SAMD3: variants seen among roughly 807,000 people sequenced by gnomAD.
SAMD3 encodes sterile alpha motif domain-containing protein 3.
A neutral mutation model predicts 58.5 loss-of-function variants in SAMD3; 63 were observed. That is an observed-to-expected ratio of 1.08 (90% CI 0.88 to 1.33). SAMD3 has a LOEUF of 1.33. Among genes scored for constraint, SAMD3 ranks in the 40% most tolerant of loss-of-function variants. The pLI is 0.00. For missense variants in SAMD3, 604 were observed against 608.4 expected (o/e 0.99, Z 0.08); for synonymous variants, 220 against 210.3 (o/e 1.05, Z -0.40).
intron 1 of SAMD3, among the ~76,000 whole-genome samples, chr6:130,349,628 T>C (rs531117416): frequency 5.3e-5 from 8 of 152,304 alleles, no homozygotes; most frequent in African/African-American, 1.9e-4. Flanking sequence ...CACAGCCAAA[T>C]TCTACCAGAG....
chr6:130,326,366 C>CTTTTTTTTTTTT (rs1444494681), intron 1 of SAMD3, among the ~76,000 whole-genome samples: 1 of 113,266 alleles, frequency 8.8e-6, no homozygotes. Flanking sequence ...AATGCCTGGT[C>CTTTTTTTTTTTT]ATTTTTTTTT....
intron 2 of SAMD3, among the ~76,000 whole-genome samples, chr6:130,300,927 C>G (rs374120363): frequency 4.6e-5 from 7 of 152,064 alleles, no homozygotes; most frequent in African/African-American, 1.7e-4. Context: ...CCCATCAACT[C>G]GTCATTTACA....
chr6:130,183,462 AG>A (rs1272948670), intron 7 of SAMD3: 2 of 428,964 alleles, frequency 4.7e-6, no homozygotes, highest in East Asian at 7.0e-5. Flanking sequence ...CAGACCTCAA[AG>A]CCAGACAACA....
intron 7 of SAMD3, among the ~76,000 whole-genome samples, chr6:130,179,601 T>C (rs913059441): frequency 1.4e-5 from 1 of 73,434 alleles, no homozygotes; most frequent in Non-Finnish European, 3.2e-5. Context: ...AGAGACTGTC[T>C]AGGCAAAAAA....
At chr6:130,346,690 G>T (rs1449806552) in intron 1 of SAMD3, among the ~76,000 whole-genome samples, 2 of 152,202 alleles carry the variant, frequency 1.3e-5, no homozygotes, top group Non-Finnish European at 2.9e-5. Context: ...AGAAACGTCT[G>T]CAGACTTAAA....
In SAMD3 at chr6:130,194,763, C is replaced by T. The variant is rs1019150795; in HGVS notation, c.384-10140G>A. On this transcript the variant is annotated intron_variant, in intron 5 of 11. Transcript: ENST00000439090. Reference sequence around the variant, plus strand: ...TCCCAGAGCCCATGGAACTCTGGCCCAAGGCTCTCTGACTGAGTCCTTCCC... The same window carrying T: ...TCCCAGAGCCCATGGAACTCTGGCCTAAGGCTCTCTGACTGAGTCCTTCCC... 7.2e-5 allele frequency among the ~76,000 whole-genome samples: 11 copies of T among 152,214 alleles called. No individual in the cohort carries two copies. The East Asian group carries it at 2.1e-3, about 29-fold the overall frequency.
chr6:130,184,865 C>T (rs1007107381), intron 5 of SAMD3, among the ~76,000 whole-genome samples: 2 of 152,108 alleles, frequency 1.3e-5, no homozygotes, highest in African/African-American at 4.8e-5. Context: ...ATAATATAGA[C>T]TTTAGAATAA....
chr6:130,238,919 T>C (rs1246270707), intron 2 of SAMD3, among the ~76,000 whole-genome samples: 2 of 151,978 alleles, frequency 1.3e-5, no homozygotes, highest in African/African-American at 4.8e-5. Flanking sequence ...CCACCACACC[T>C]GGCTAATTTT....
intron 11 of SAMD3, 143 bp from the exon 12 acceptor site, chr6:130,144,947 C>A (rs1410102476): frequency 2.3e-6 from 2 of 873,268 alleles, no homozygotes; most frequent in African/African-American, 3.4e-5. Flanking sequence ...TCAAAATAGA[C>A]CACCAACTTT....
chr6:130,148,485 T>C lies in SAMD3; in HGVS notation c.1024-2304A>G, dbSNP rs573882440. Among the ~76,000 whole-genome samples the C allele has an allele frequency of 8.9e-4, 135 of 152,346 alleles. 3 individuals are homozygous for C. In the South Asian group the frequency reaches 0.027, roughly 30 times the overall value. On this transcript the variant is annotated intron_variant, in intron 9 of 11. Transcript: ENST00000439090. ...ACTCGTCTTGACTCGTCTTGGTTTG[T>C]TGTTGTTGTTTTCATTTTTGTTTTG...
rs769718725 is a variant in SAMD3 at position 130,145,356 on chromosome 6, AC to A, written c.1261del (p.Val421SerfsTer3). 1.2e-6 allele frequency: 2 copies of A among 1,609,202 alleles called. No individual in the cohort carries two copies. The highest frequency in any genetic ancestry group is 1.7e-6 in the Non-Finnish European group (2 of 1,176,412). On this transcript the variant is annotated frameshift_variant, in exon 11 of 12. Transcript: ENST00000439090. LOFTEE classifies it high-confidence loss of function. Reference sequence around the variant, plus strand: ...ACTACATACCTGTTCATTCATGATGACAAAAAGGCTGGGATCATCCCCAAAA... The same window carrying A: ...ACTACATACCTGTTCATTCATGATGAAAAAAGGCTGGGATCATCCCCAAAA... ...DVFGDDPSLF[V>X]IMNEQVQVST...
At chr6:130,279,054 C>T (rs945151329) in intron 2 of SAMD3, among the ~76,000 whole-genome samples, 1 of 152,110 alleles carries the variant, frequency 6.6e-6, no homozygotes, top group African/African-American at 2.4e-5. Flanking sequence ...TACTGTATGA[C>T]CTTGGCAAGT....
chr6:130,206,474 T>A (rs1795091887), intron 5 of SAMD3, among the ~76,000 whole-genome samples: 1 of 152,198 alleles, frequency 6.6e-6, no homozygotes, highest in African/African-American at 2.4e-5. Context: ...AGCACCTGTG[T>A]CTTCATGCTC....
At chr6:130,177,891 T>G (rs770595629) in intron 7 of SAMD3, among the ~76,000 whole-genome samples, 18 of 152,120 alleles carry the variant, frequency 1.2e-4, no homozygotes, top group Non-Finnish European at 2.4e-4. Context: ...GAGATGCAGG[T>G]GTCAGCATGA....
intron 1 of SAMD3, among the ~76,000 whole-genome samples, chr6:130,320,602 C>T (rs1168587216): frequency 2.0e-5 from 3 of 152,208 alleles, no homozygotes; most frequent in Admixed American, 6.5e-5. Flanking sequence ...TTGTTTGTAA[C>T]GGCCCCAAAC....
chr6:130,322,021 A>G (rs1173914636), intron 1 of SAMD3, among the ~76,000 whole-genome samples: 1 of 152,214 alleles, frequency 6.6e-6, no homozygotes, highest in Non-Finnish European at 1.5e-5. Flanking sequence ...GAATAAGCAG[A>G]GAAGACAACT....
At chr6:130,337,131 T>C (rs1777124410) in intron 1 of SAMD3, among the ~76,000 whole-genome samples, 1 of 152,104 alleles carries the variant, frequency 6.6e-6, no homozygotes, top group Non-Finnish European at 1.5e-5. Context: ...ATAATCCCCA[T>C]AATCCTCATG....
chr6:130,258,286 G>C (rs1445073012), intron 2 of SAMD3, among the ~76,000 whole-genome samples: 1 of 152,040 alleles, frequency 6.6e-6, no homozygotes, highest in Admixed American at 6.5e-5. Flanking sequence ...TTTAAAGTTG[G>C]TTTCTTGTAG....
At chr6:130,144,947 CCA>C (rs1788482666) in intron 11 of SAMD3, 143 bp from the exon 12 acceptor site, 2 of 873,152 alleles carry the variant, frequency 2.3e-6, no homozygotes, top group African/African-American at 1.7e-5. Context: ...TCAAAATAGA[CCA>C]CCAACTTTGC....
Sources: gnomAD v4.1 joint callset for allele counts (sites outside exome capture counted in the v4.1 genomes callset) on GRCh38, gnomAD v4.1.1 for gene constraint, MANE v1.5 for transcripts, NCBI Gene and HGNC (gene_info 2026-07-23, HGNC 2026-07-21) for gene names.